Variants in STAG1 observed in about 807,000 individuals in gnomAD.
The protein encoded by STAG1 is cohesin subunit SA-1.
Under a neutral mutation model 170.9 loss-of-function variants are expected in STAG1, and 26 were observed. The ratio of observed to expected loss-of-function variants is 0.15; its 90% CI spans 0.11 to 0.21. The LOEUF is 0.21. Among genes scored for constraint, STAG1 ranks in the 10% least tolerant of loss-of-function variants. STAG1 has a pLI of 1.00. For synonymous variants in STAG1, 514 were observed against 497.7 expected, an observed-to-expected ratio of 1.03 and a Z score of -0.44; for missense variants, 964 against 1,509.5, an observed-to-expected ratio of 0.64 and a Z score of 5.99.
intron 9 of STAG1, among the ~76,000 whole-genome samples, chr3:136,495,760 A>G (rs1933048236): frequency 6.6e-6 from 1 of 151,244 alleles, no homozygotes; most frequent in Non-Finnish European, 1.5e-5. Context: ...TGAGGTCAAG[A>G]GATCAAGACC....
chr3:136,487,609 C>G (rs188386990), intron 9 of STAG1, among the ~76,000 whole-genome samples: 15 of 152,278 alleles, frequency 9.9e-5, no homozygotes, highest in Non-Finnish European at 2.2e-4. Context: ...TTCTAGTGCT[C>G]CAATCCACTT....
chr3:136,571,034 C>G (rs1559884961), intron 4 of STAG1, among the ~76,000 whole-genome samples: 4 of 152,168 alleles, frequency 2.6e-5, no homozygotes, highest in African/African-American at 9.7e-5. Context: ...GTTAATAGAG[C>G]AGATTAAGAG....
intron 22 of STAG1, among the ~76,000 whole-genome samples, chr3:136,387,033 A>G (rs1560077801): frequency 7.2e-6 from 1 of 139,614 alleles, no homozygotes; most frequent in South Asian, 2.3e-4. Context: ...TTTCATGATG[A>G]AAAGGCAGCA....
intron 21 of STAG1, among the ~76,000 whole-genome samples, chr3:136,407,024 T>A (rs2087503449): frequency 6.6e-6 from 1 of 152,130 alleles, no homozygotes; most frequent in Non-Finnish European, 1.5e-5. Context: ...ATTCTCTTTT[T>A]GCAATCTCTT....
At chr3:136,403,014 G>A (rs903133479) in intron 21 of STAG1, among the ~76,000 whole-genome samples, 15 of 151,654 alleles carry the variant, frequency 9.9e-5, no homozygotes, top group Non-Finnish European at 1.9e-4. Flanking sequence ...GATCACCTGA[G>A]GTCAGGAGTT....
chr3:136,673,366 T>C (rs888484811), intron 1 of STAG1, among the ~76,000 whole-genome samples: 1 of 152,250 alleles, frequency 6.6e-6, no homozygotes, highest in African/African-American at 2.4e-5. Context: ...CGGTTGAGTA[T>C]GTACTGAGCC....
At chr3:136,460,334 G>A (rs902351023) in intron 13 of STAG1, among the ~76,000 whole-genome samples, 3 of 152,132 alleles carry the variant, frequency 2.0e-5, no homozygotes, top group African/African-American at 7.2e-5. Flanking sequence ...GGGCACGGTG[G>A]CTCACGCCTT....
chr3:136,557,657 C>T (rs1236501252), intron 5 of STAG1, among the ~76,000 whole-genome samples: 2 of 152,162 alleles, frequency 1.3e-5, no homozygotes, highest in African/African-American at 4.8e-5. Context: ...ATTCTCCTGC[C>T]TCAGCCTCCT....
At chr3:136,649,134 C>A (rs1321729712) in intron 1 of STAG1, among the ~76,000 whole-genome samples, 2 of 152,174 alleles carry the variant, frequency 1.3e-5, no homozygotes, top group Non-Finnish European at 2.9e-5. Flanking sequence ...TTTGCTTATA[C>A]TATTTCCTCC....
Position 136,422,491 on chromosome 3 carries a change from G to C in STAG1, c.1956C>G (p.Asn652Lys). The C allele has an allele frequency of 1.2e-6, 2 of 1,614,024 alleles. No homozygotes were observed. The highest frequency in any genetic ancestry group is 1.7e-6 in the Non-Finnish European group (2 of 1,179,980). ...GCTGGCTTCGAGCTATGTCAACTCT[G>C]TTCTGGATGGTATATTCTTCACTGC... ...ILCSEEYTIQNRVDIARSQLI... is the reference protein window; with the variant it reads ...ILCSEEYTIQKRVDIARSQLI... Residue 652 changes from asparagine to lysine, a missense_variant, in exon 19 of 34, where the codon AAC (asparagine) becomes AAG (lysine). Around this residue, in one of 11 missense-constraint regions of STAG1, gnomAD observed 232 missense variants for 313.0 expected, o/e 0.74. Coordinates refer to ENST00000383202, the MANE Select transcript of STAG1 (RefSeq NM_005862.3).
chr3:136,471,567 A>C (rs2089629073), intron 12 of STAG1, among the ~76,000 whole-genome samples: 1 of 152,220 alleles, frequency 6.6e-6, no homozygotes, highest in Non-Finnish European at 1.5e-5. Flanking sequence ...ATACATATTT[A>C]GTTCGTGATA....
chr3:136,556,150 T>TA (rs1401578396), intron 5 of STAG1, among the ~76,000 whole-genome samples: 1 of 152,224 alleles, frequency 6.6e-6, no homozygotes, highest in Admixed American at 6.5e-5. Flanking sequence ...AACCATTACT[T>TA]ATAATGAAAT....
rs151138186 is a variant in STAG1 at position 136,594,813 on chromosome 3, C to T, written c.297+9496G>A. Among the ~76,000 whole-genome samples the T allele has an allele frequency of 7.7e-3, 1,165 of 152,240 alleles. 19 individuals are homozygous for T. Among genetic ancestry groups the T allele is most frequent in the African/African-American group, 0.027 (1,133 of 41,518 alleles). On this transcript the variant is annotated intron_variant, in intron 4 of 33. Transcript: ENST00000383202. ...GAGACAGAGTCTCACTCCCGTTGCC[C>T]AGGCTGGAGTGCAATGGCACAATCA...
chr3:136,479,060 C>CTTTTTTTTTTTTTTTTTTTTTTT (rs66966875), intron 9 of STAG1, among the ~76,000 whole-genome samples: 1 of 125,174 alleles, frequency 8.0e-6, no homozygotes, highest in African/African-American at 3.7e-5. Flanking sequence ...TATAATCTTT[C>CTTTTTTTTTTTTTTTTTTTTTTT]TTTTTTTTTT....
At chr3:136,513,801 GAACA>G (rs1386205127) in intron 7 of STAG1, among the ~76,000 whole-genome samples, 1 of 151,338 alleles carries the variant, frequency 6.6e-6, no homozygotes, top group Admixed American at 6.6e-5. Flanking sequence ...AAAAAGGAGA[GAACA>G]AATTAAGAAA....
chr3:136,603,181 T>C (rs527657464), intron 4 of STAG1, among the ~76,000 whole-genome samples: 2 of 152,124 alleles, frequency 1.3e-5, no homozygotes, highest in South Asian at 2.1e-4. Context: ...AGTAATTCCG[T>C]TTCACAATTA....
chr3:136,338,318 T>TAAAC (rs780899926), intron 33 of STAG1, 41 bp from the exon 34 acceptor site: 1 of 1,588,268 alleles, frequency 6.3e-7, no homozygotes, highest in East Asian at 2.2e-5. Flanking sequence ...ATTTCATGCA[T>TAAAC]AAACAGGACC....
Position 136,357,832 on chromosome 3 carries a change from C to T in STAG1, c.2953G>A (p.Ala985Thr). Residue 985 changes from alanine to threonine, a missense_variant, in exon 28 of 34, where the codon GCA becomes ACA. Ala to Thr is a moderately conservative substitution (Grantham distance 58, BLOSUM62 0). Coordinates refer to ENST00000383202, the MANE Select transcript of STAG1 (RefSeq NM_005862.3). ...ATLHKDGIEF[A>T]FKYQNQKGQE... The stretch of plus-strand genomic sequence containing the variant: ...CCTTTCTGATTTTGGTATTTAAATG[C>T]AAACTCTATGCCATCCCTGAAGTAA... The T allele has an allele frequency of 6.2e-7, 1 of 1,600,758 alleles. No homozygotes were observed. The highest frequency in any genetic ancestry group is 8.5e-7 in the Non-Finnish European group (1 of 1,176,212).
rs537527623 is a variant in STAG1 at position 136,454,905 on chromosome 3, T to C, written c.1314-2758A>G. On this transcript the variant is annotated intron_variant, in intron 13 of 33. Transcript: ENST00000383202. ...TGTACATTTATGTATCTTTGAAAGC[T>C]GATCATGGAACTCCTGGGGATACAC... is the stretch of plus-strand genomic sequence containing the variant. Among the ~76,000 whole-genome samples the C allele has an allele frequency of 2.0e-5, 3 of 152,324 alleles. No homozygotes were observed. The East Asian group carries it at 5.8e-4, about 29-fold the overall frequency.
Sources: allele counts gnomAD v4.1 joint callset (sites outside exome capture counted in the v4.1 genomes callset), GRCh38; gene constraint gnomAD v4.1.1; regional missense constraint gnomAD v4.1.1; transcripts MANE v1.5; gene names NCBI Gene and HGNC (gene_info 2026-07-23, HGNC 2026-07-21).